ZNF280D: variants seen among roughly 807,000 people sequenced by gnomAD.
ZNF280D encodes suppressor of hairy wing homolog 4.
Under a neutral mutation model 94.7 loss-of-function variants are expected in ZNF280D, and 39 were observed. The observed-to-expected ratio is 0.41, with a 90% CI of 0.32 to 0.54. ZNF280D has a LOEUF of 0.54. Among genes scored for constraint, ZNF280D ranks in the 20% least tolerant of loss-of-function variants. The pLI, the probability that ZNF280D is intolerant of heterozygous loss-of-function variation, is 0.22. For missense variants in ZNF280D, 1,090 were observed against 1,149.3 expected (o/e 0.95, Z 0.75); for synonymous variants, 398 against 377.6 (o/e 1.05, Z -0.63).
At chr15:56,652,836 T>C in intron 19 of ZNF280D, 1 of 983,760 alleles carries the variant, frequency 1.0e-6, no homozygotes, top group Non-Finnish European at 1.2e-6. Flanking sequence ...ATGGGCTTAG[T>C]AACAGCCAAA....
intron 21 of ZNF280D, 103 bp downstream of exon 21, chr15:56,635,092 A>T (rs1386700234): frequency 1.6e-6 from 1 of 626,330 alleles, no homozygotes; most frequent in East Asian, 3.6e-5. Context: ...CACTATATAC[A>T]AACATTTAAA....
chr15:56,710,874 A>G (rs1296248396), intron 1 of ZNF280D, among the ~76,000 whole-genome samples: 1 of 152,176 alleles, frequency 6.6e-6, no homozygotes, highest in Non-Finnish European at 1.5e-5. Context: ...GAAAAAAATT[A>G]AGCAATTTCA....
chr15:56,684,855 T>C (rs1292939546), intron 9 of ZNF280D, among the ~76,000 whole-genome samples: 1 of 152,154 alleles, frequency 6.6e-6, no homozygotes, highest in Non-Finnish European at 1.5e-5. Context: ...TAAATCCAAA[T>C]ATACAGGTTG....
intron 1 of ZNF280D, among the ~76,000 whole-genome samples, chr15:56,721,215 C>T (rs2058342550): frequency 6.6e-6 from 1 of 152,130 alleles, no homozygotes; most frequent in African/African-American, 2.4e-5. Flanking sequence ...AAGTGATCCA[C>T]CCATCTCCAC....
chr15:56,673,900 C>T (rs1000045104), intron 13 of ZNF280D, among the ~76,000 whole-genome samples: 1 of 151,920 alleles, frequency 6.6e-6, no homozygotes, highest in Non-Finnish European at 1.5e-5. Context: ...TTTTTGACCA[C>T]TCCTGTACTC....
intron 19 of ZNF280D, among the ~76,000 whole-genome samples, chr15:56,650,024 T>A (rs1037278585): frequency 6.6e-6 from 1 of 152,062 alleles, no homozygotes; most frequent in Admixed American, 6.6e-5. Context: ...AATATATACA[T>A]GATATTAGTG....
intron 6 of ZNF280D, among the ~76,000 whole-genome samples, chr15:56,695,408 A>C (rs751733825): frequency 6.6e-4 from 101 of 152,270 alleles, no homozygotes; most frequent in Middle Eastern, 3.4e-3. Flanking sequence ...TCCATTTTTA[A>C]GAATTTATGG....
chr15:56,715,476 G>C (rs1405612055), intron 1 of ZNF280D, among the ~76,000 whole-genome samples: 3 of 152,020 alleles, frequency 2.0e-5, no homozygotes, highest in Admixed American at 6.6e-5. Flanking sequence ...CCAGTGCCTT[G>C]AATGACTTAA....
At chr15:56,721,004 C>G (rs909167524) in intron 1 of ZNF280D, among the ~76,000 whole-genome samples, 1 of 146,714 alleles carries the variant, frequency 6.8e-6, no homozygotes, top group Non-Finnish European at 1.5e-5. Flanking sequence ...GCTCCATTGA[C>G]CAGCCTTGAG....
chr15:56,666,961 G>C lies in ZNF280D; in HGVS notation c.1571C>G (p.Pro524Arg). The change falls in exon 15 of 22, where the codon CCT becomes CGT. Residue 524 changes from proline (P) to arginine (R), a missense_variant. By Grantham distance (103) the Pro-to-Arg change is moderately radical. Coordinates refer to ENST00000267807, the MANE Select transcript of ZNF280D (RefSeq NM_017661.4). ...TKVTIRASVG[P>R]LQSGASPTPS... Reference sequence around the variant, plus strand: ...TGTAGGTGAAGCTCCTGATTGCAGAGGTCCAACTGAAGCTCGAATAGTAAC... The same window carrying C: ...TGTAGGTGAAGCTCCTGATTGCAGACGTCCAACTGAAGCTCGAATAGTAAC... The C allele has an allele frequency of 6.2e-7, 1 of 1,603,982 alleles. No homozygotes were observed. The highest frequency in any genetic ancestry group is 8.5e-7 in the Non-Finnish European group (1 of 1,175,664).
intron 1 of ZNF280D, among the ~76,000 whole-genome samples, chr15:56,719,320 A>G (rs2058212752): frequency 6.7e-6 from 1 of 150,138 alleles, no homozygotes; most frequent in East Asian, 2.0e-4. Context: ...TCCCACAAGA[A>G]ATGGTTGTTT....
intron 7 of ZNF280D, among the ~76,000 whole-genome samples, chr15:56,692,896 G>A (rs1347594669): frequency 6.6e-6 from 1 of 151,972 alleles, no homozygotes; most frequent in Non-Finnish European, 1.5e-5. Context: ...TACTTAATAG[G>A]AAGAAATAAA....
intron 14 of ZNF280D, 65 bp from the exon 15 acceptor site, chr15:56,667,051 G>A (rs186163859): frequency 3.2e-4 from 390 of 1,207,914 alleles, no homozygotes; most frequent in Non-Finnish European, 4.0e-4. Context: ...AAAATATCAT[G>A]GTACAAAAAT....
At chr15:56,638,583 T>C (rs933520401) in intron 20 of ZNF280D, among the ~76,000 whole-genome samples, 4 of 152,188 alleles carry the variant, frequency 2.6e-5, no homozygotes, top group African/African-American at 9.6e-5. Context: ...AATTTTTTTC[T>C]ACTAAGCTTG....
At chr15:56,639,719 T>C (rs1392456750) in intron 20 of ZNF280D, among the ~76,000 whole-genome samples, 2 of 152,186 alleles carry the variant, frequency 1.3e-5, no homozygotes, top group African/African-American at 2.4e-5. Context: ...TTTTTAGATA[T>C]GCAAAAACTG....
At chr15:56,697,220 T>C (rs1194579654) in intron 6 of ZNF280D, among the ~76,000 whole-genome samples, 1 of 152,092 alleles carries the variant, frequency 6.6e-6, no homozygotes, top group Admixed American at 6.6e-5. Flanking sequence ...AGTCTCACTC[T>C]GTCACCCAGG....
At chr15:56,658,002 GGT>G (rs2053664057) in intron 17 of ZNF280D, among the ~76,000 whole-genome samples, 1 of 151,950 alleles carries the variant, frequency 6.6e-6, no homozygotes, top group African/African-American at 2.4e-5. Context: ...CTTTACAATG[GGT>G]TTTGCAGCAA....
At chr15:56,683,375 G>A (rs1193450501) in intron 9 of ZNF280D, among the ~76,000 whole-genome samples, 1 of 152,120 alleles carries the variant, frequency 6.6e-6, no homozygotes, top group Non-Finnish European at 1.5e-5. Flanking sequence ...TTTATAGGAG[G>A]ATAGAGCAAG....
chr15:56,699,334 C>G (rs2056924955), intron 6 of ZNF280D: 1 of 927,514 alleles, frequency 1.1e-6, no homozygotes, highest in Non-Finnish European at 1.3e-6. Context: ...ATAGCTCACA[C>G]CTCTCACTCA....
Sources: gnomAD v4.1 joint callset for allele counts (sites outside exome capture counted in the v4.1 genomes callset) on GRCh38, gnomAD v4.1.1 for gene constraint, MANE v1.5 for transcripts, NCBI Gene and HGNC (gene_info 2026-07-23, HGNC 2026-07-21) for gene names.